Variants in CASS4 observed in about 807,000 individuals in gnomAD.
The protein encoded by CASS4 is cas scaffolding protein family member 4.
CASS4 carries 22 observed loss-of-function variants against 54.2 expected under a neutral mutation model. The observed-to-expected ratio is 0.41, with a 90% CI of 0.29 to 0.58. The LOEUF (loss-of-function observed/expected upper bound fraction) is 0.58, where lower values mean the gene tolerates loss of function less well. Ranked by LOEUF, CASS4 falls within the 20% of genes least tolerant of loss-of-function variation. CASS4 has a pLI of 0.36. For missense variants in CASS4, 854 were observed against 986.7 expected (o/e 0.87, Z 1.80); for synonymous variants, 409 against 391.5 (o/e 1.04, Z -0.53).
chr20:56,445,065 G>T (rs546415428), intron 2 of CASS4, among the ~76,000 whole-genome samples: 2 of 151,740 alleles, frequency 1.3e-5, no homozygotes, highest in African/African-American at 4.8e-5. Flanking sequence ...AGCCGAGATC[G>T]CGCCATTGCA....
intron 2 of CASS4, among the ~76,000 whole-genome samples, chr20:56,444,792 A>G (rs1385833247): frequency 6.6e-6 from 1 of 152,216 alleles, no homozygotes; most frequent in Non-Finnish European, 1.5e-5. Flanking sequence ...GCCTTGAGCA[A>G]TAACTGGCCA....
chr20:56,453,934 A>C (rs1981165162), intron 5 of CASS4: 1 of 152,148 alleles, frequency 6.6e-6, no homozygotes, highest in African/African-American at 2.4e-5. Flanking sequence ...TAAACCCAGC[A>C]CTTTGGGAGG....
chr20:56,416,681 A>G (rs1022812412), intron 1 of CASS4, among the ~76,000 whole-genome samples: 1 of 152,188 alleles, frequency 6.6e-6, no homozygotes, highest in Non-Finnish European at 1.5e-5. Context: ...ATTTTACTGA[A>G]TGAAATAAGC....
At chr20:56,445,773 G>A (rs563897271) in intron 2 of CASS4, 127 bp from the exon 3 acceptor site, 492 of 642,866 alleles carry the variant, frequency 7.7e-4, no homozygotes, top group Non-Finnish European at 1.1e-3. Flanking sequence ...TGCCAGCGGG[G>A]GTGCCGGGCG....
chr20:56,438,875 C>A (rs1335215292), intron 2 of CASS4, among the ~76,000 whole-genome samples: 1 of 152,132 alleles, frequency 6.6e-6, no homozygotes, highest in East Asian at 1.9e-4. Flanking sequence ...AACAAACAAA[C>A]AAAAAACTCT....
At chr20:56,438,064 A>G (rs976612276) in intron 2 of CASS4, among the ~76,000 whole-genome samples, 2 of 152,150 alleles carry the variant, frequency 1.3e-5, no homozygotes, top group Non-Finnish European at 2.9e-5. Flanking sequence ...ACGAGACAGG[A>G]GGATCATTTG....
intron 2 of CASS4, among the ~76,000 whole-genome samples, chr20:56,444,512 G>A (rs1980615081): frequency 6.6e-6 from 1 of 152,136 alleles, no homozygotes; most frequent in South Asian, 2.1e-4. Flanking sequence ...GTGGTAGACA[G>A]CATCTTCTAC....
chr20:56,436,750 G>T (rs1039097111), intron 1 of CASS4, among the ~76,000 whole-genome samples: 3 of 152,064 alleles, frequency 2.0e-5, no homozygotes, highest in Non-Finnish European at 4.4e-5. Context: ...AGCCCGGGGT[G>T]GCGGCACGCA....
intron 2 of CASS4, among the ~76,000 whole-genome samples, chr20:56,439,960 T>G (rs1224755841): frequency 6.6e-6 from 1 of 152,234 alleles, no homozygotes; most frequent in Non-Finnish European, 1.5e-5. Flanking sequence ...CCCTGAGGCA[T>G]GTGCTGTGGG....
chr20:56,423,705 C>T (rs1216861915), intron 1 of CASS4, among the ~76,000 whole-genome samples: 2 of 151,946 alleles, frequency 1.3e-5, no homozygotes, highest in Non-Finnish European at 2.9e-5. Context: ...CCACCATGCC[C>T]GGCTAATTTT....
Position 56,452,440 on chromosome 20 carries a change from T to G in CASS4, c.1264T>G (p.Ser422Ala), listed in dbSNP as rs141641872. 2.5e-6 allele frequency: 4 copies of G among 1,613,864 alleles called. No individual in the cohort carries two copies. The highest frequency in any genetic ancestry group is 3.4e-6 in the Non-Finnish European group (4 of 1,179,970). The stretch of plus-strand genomic sequence containing the variant: ...CTCCACCACATCCACCGACGACTCC[T>G]CCAGCTCTTCCTCGGAGGAGTCAGC... ...SCSTTSTDDS[S>A]SSSSEESAKE... The change falls in exon 5 of 6, where the codon TCC becomes GCC. Residue 422 changes from serine to alanine, a missense_variant. Coordinates refer to ENST00000679887, the MANE Select transcript of CASS4 (RefSeq NM_020356.4).
chr20:56,426,282 A>C (rs1296828561), intron 1 of CASS4, among the ~76,000 whole-genome samples: 5 of 152,204 alleles, frequency 3.3e-5, no homozygotes, highest in African/African-American at 1.2e-4. Flanking sequence ...ATGAGATGTT[A>C]GTTATAGTAC....
Position 56,452,194 on chromosome 20 carries a change from G to T in CASS4, c.1018G>T (p.Val340Leu), listed in dbSNP as rs144494485. 6.2e-7 allele frequency: 1 copy of T among 1,614,166 alleles called. No individual in the cohort carries two copies. Among genetic ancestry groups the T allele is most frequent in the Admixed American group, 1.7e-5 (1 of 60,024 alleles). Residue 340 changes from valine to leucine, a missense_variant, in exon 5 of 6, where the codon GTG becomes TTG. Val to Leu is a conservative substitution (Grantham distance 32). Transcript: ENST00000679887. ...KVPSSFLIPR[V>L]EQQNTKPNIY... ...TCCTTCAAGCTTTCTGATTCCCCGA[G>T]TGGAACAGCAGAACACCAAGCCCAA... is the stretch of plus-strand genomic sequence containing the variant.
intron 1 of CASS4, among the ~76,000 whole-genome samples, chr20:56,422,499 A>G (rs1037766881): frequency 6.6e-6 from 1 of 152,254 alleles, no homozygotes; most frequent in Admixed American, 6.5e-5. Flanking sequence ...GAGGAAGTAT[A>G]TTAAAGCATG....
Position 56,437,280 on chromosome 20 carries a change from G to A in CASS4, c.153G>A (p.Trp51Ter), listed in dbSNP as rs1980224151. The change falls in exon 2 of 6, where the codon TGG becomes TGA. Residue 51 changes from tryptophan (W) to a stop codon, truncating the protein, a stop_gained. Transcript: ENST00000679887. LOFTEE classifies it high-confidence loss of function. The surrounding 1 kb of genome is among the most constrained non-coding windows in gnomAD (Gnocchi z 4.7). ...AACACGTGCCAGAAAGCGAGGGTTG[G>A]TGGAAGTGTTTGCTCCATGGGAGGC... is the stretch of plus-strand genomic sequence containing the variant. ...LEQHVPESEG[W>*]WKCLLHGRQG... The A allele has an allele frequency of 2.5e-6, 4 of 1,614,154 alleles. No individual in the cohort carries two copies. The highest frequency in any genetic ancestry group is 3.4e-6 in the Non-Finnish European group (4 of 1,179,994).
At chr20:56,453,160 G>C in intron 5 of CASS4, 31 bp downstream of exon 5, 1 of 1,545,320 alleles carries the variant, frequency 6.5e-7, no homozygotes, top group Non-Finnish European at 8.8e-7. Context: ...GATCGAAAAA[G>C]GGGCTTCAAT....
rs1600782669 is a variant in CASS4 at position 56,458,940 on chromosome 20, G to A, written c.*193G>A. The A allele has an allele frequency of 1.7e-6, 1 of 584,350 alleles. No homozygotes were observed. Among genetic ancestry groups the A allele is most frequent in the East Asian group, 2.8e-5 (1 of 35,934 alleles). The allele number at this position is 584,350 out of a possible 1,614,324, so 36.2% of individuals were successfully genotyped here. A position where few individuals can be genotyped will look rare whatever the true frequency, so the allele number is the denominator to read the frequency against. ...ACTTACCCCGCAGGGGGTCAGGAAA[G>A]AGAGTCAGGTATGAGGTAAAGACCT... On this transcript the variant is annotated 3_prime_UTR_variant, in exon 6 of 6. Coordinates refer to ENST00000679887, the MANE Select transcript of CASS4 (RefSeq NM_020356.4).
At position 56,452,643 on chromosome 20, in the gene CASS4, T is replaced by C. The variant is rs1981088821; in HGVS notation, c.1467T>C (p.Ser489=). The stretch of plus-strand genomic sequence containing the variant: ...GGTCCACTGATCACATAGAAGAATC[T>C]GTAAGAGAATTTCTGGATTTTGCCC... ...IHRSTDHIEE[S]VREFLDFARG... The change falls in exon 5 of 6, where the codon TCT becomes TCC. Residue 489 remains serine, a synonymous_variant. Transcript: ENST00000679887. 1.2e-6 allele frequency: 2 copies of C among 1,614,086 alleles called. No individual in the cohort carries two copies. The highest frequency in any genetic ancestry group is 2.7e-5 in the African/African-American group (2 of 74,928).
Position 56,460,000 on chromosome 20 carries a change from A to T in CASS4, c.*1253A>T, listed in dbSNP as rs1981530145. ...AAGAGAACTTATCTTCAAATGGTTA[A>T]TTTTTATTGCATCCATTAGATAATA... On this transcript the variant is annotated 3_prime_UTR_variant, in exon 6 of 6. Coordinates refer to ENST00000679887, the MANE Select transcript of CASS4 (RefSeq NM_020356.4). 6.6e-6 allele frequency: 1 copy of T among 152,298 alleles called. No homozygotes were observed. The highest frequency in any genetic ancestry group is 2.1e-4 in the South Asian group (1 of 4,832). The allele number at this position is 152,298 out of a possible 1,614,324, so 9.4% of individuals were successfully genotyped here. A position where few individuals can be genotyped will look rare whatever the true frequency, so the allele number is the denominator to read the frequency against.
Sources: gnomAD v4.1 joint callset for allele counts (sites outside exome capture counted in the v4.1 genomes callset) on GRCh38, gnomAD v4.1.1 for gene constraint, Gnocchi (gnomAD v3.1) non-coding constraint, MANE v1.5 for transcripts, NCBI Gene and HGNC (gene_info 2026-07-23, HGNC 2026-07-21) for gene names.